Variants in ADAMTSL1 observed in about 807,000 individuals in gnomAD.
ADAMTSL1 encodes the protein ADAMTS-like protein 1.
Under a neutral mutation model 201.8 loss-of-function variants are expected in ADAMTSL1, and 126 were observed. The ratio of observed to expected loss-of-function variants is 0.62; its 90% CI spans 0.54 to 0.72. ADAMTSL1 has a LOEUF of 0.72. ADAMTSL1 is among the 30% of genes least tolerant of loss of function. ADAMTSL1 has a pLI of 0.00. For synonymous variants in ADAMTSL1, 1,121 were observed against 903.4 expected (o/e 1.24, Z -4.32); for missense variants, 2,679 against 2,277.8 (o/e 1.18, Z -3.59).
At chr9:18,242,005 A>C (rs754964647) in intron 2 of ADAMTSL1, among the ~76,000 whole-genome samples, 1 of 152,098 alleles carries the variant, frequency 6.6e-6, no homozygotes, top group Non-Finnish European at 1.5e-5. Flanking sequence ...TTCCTAACAC[A>C]TCTTATAAGG....
chr9:18,591,869 GC>G (rs1349264436), intron 4 of ADAMTSL1, among the ~76,000 whole-genome samples: 1 of 152,158 alleles, frequency 6.6e-6, no homozygotes, highest in Admixed American at 6.5e-5. Flanking sequence ...CATTTTCCCT[GC>G]AAAAAGTTAT....
chr9:17,919,836 C>A (rs1380078470), intron 1 of ADAMTSL1, among the ~76,000 whole-genome samples: 1 of 151,924 alleles, frequency 6.6e-6, no homozygotes, highest in African/African-American at 2.4e-5. Flanking sequence ...GGGTATATAC[C>A]TAGGAGTGTA....
chr9:18,466,505 A>G (rs1821011410), intron 2 of ADAMTSL1, among the ~76,000 whole-genome samples: 1 of 152,230 alleles, frequency 6.6e-6, no homozygotes, highest in Admixed American at 6.5e-5. Context: ...AATTTTAAAA[A>G]TAAACCACAA....
Position 18,849,257 on chromosome 9 carries a change from T to C in ADAMTSL1, c.4249+19280T>C, listed in dbSNP as rs116420751. Reference sequence around the variant, plus strand: ...CTCTTGAATTGTTTTCATCTCTCATTTCTATTCTAATTGTAGCTTTATCAT... The same window carrying C: ...CTCTTGAATTGTTTTCATCTCTCATCTCTATTCTAATTGTAGCTTTATCAT... On this transcript the variant is annotated intron_variant, in intron 23 of 28. Transcript: ENST00000380548. Among the ~76,000 whole-genome samples the C allele has an allele frequency of 3.2e-3, 494 of 152,278 alleles. 2 individuals are homozygous for C. Among genetic ancestry groups the C allele is most frequent in the African/African-American group, 0.012 (484 of 41,544 alleles).
At chr9:18,780,488 T>C (rs889548443) in intron 19 of ADAMTSL1, among the ~76,000 whole-genome samples, 1 of 152,120 alleles carries the variant, frequency 6.6e-6, no homozygotes, top group Non-Finnish European at 1.5e-5. Flanking sequence ...TATGTACTGC[T>C]GGATTTTATG....
intron 17 of ADAMTSL1, among the ~76,000 whole-genome samples, chr9:18,775,327 A>T (rs115027641): frequency 2.6e-5 from 4 of 152,248 alleles, no homozygotes; most frequent in African/African-American, 9.6e-5. Context: ...AAAAGGAATT[A>T]GCAATAATTG....
chr9:18,300,693 G>A (rs1447308066), intron 2 of ADAMTSL1, among the ~76,000 whole-genome samples: 1 of 152,032 alleles, frequency 6.6e-6, no homozygotes, highest in Non-Finnish European at 1.5e-5. Context: ...AGTGAAAAAC[G>A]ACATGAGATC....
At chr9:18,251,511 ATT>A (rs896830881) in intron 2 of ADAMTSL1, among the ~76,000 whole-genome samples, 2 of 152,232 alleles carry the variant, frequency 1.3e-5, no homozygotes, top group African/African-American at 4.8e-5. Flanking sequence ...ATATGACAGT[ATT>A]ATAAATGCTT....
At chr9:18,358,325 G>C (rs150119557) in intron 2 of ADAMTSL1, among the ~76,000 whole-genome samples, 8 of 152,222 alleles carry the variant, frequency 5.3e-5, no homozygotes, top group African/African-American at 1.9e-4. Flanking sequence ...CCTTCCTTTT[G>C]TGGGAAAAGT....
At chr9:18,310,559 T>C (rs1834109034) in intron 2 of ADAMTSL1, among the ~76,000 whole-genome samples, 1 of 151,960 alleles carries the variant, frequency 6.6e-6, no homozygotes, top group Non-Finnish European at 1.5e-5. Flanking sequence ...GAACAGACAC[T>C]TCTCAAAAGA....
chr9:18,076,963 G>C (rs1349717599), intron 1 of ADAMTSL1, among the ~76,000 whole-genome samples: 2 of 152,142 alleles, frequency 1.3e-5, no homozygotes, highest in African/African-American at 4.8e-5. Context: ...ATTACACGCT[G>C]TTAGATGGCT....
intron 2 of ADAMTSL1, among the ~76,000 whole-genome samples, chr9:18,531,063 A>G (rs778758528): frequency 1.3e-5 from 2 of 152,224 alleles, no homozygotes; most frequent in Non-Finnish European, 2.9e-5. Context: ...GATATTTTTC[A>G]GCAATAGCAC....
At chr9:18,151,999 C>T (rs945629863) in intron 1 of ADAMTSL1, among the ~76,000 whole-genome samples, 2 of 152,030 alleles carry the variant, frequency 1.3e-5, no homozygotes, top group South Asian at 2.1e-4. Flanking sequence ...GAAAAGAAAT[C>T]CCTGGTATAT....
rs530763565 is a variant in ADAMTSL1 at position 18,783,066 on chromosome 9, T to C, written c.3677+5160T>C. 1.4e-3 allele frequency among the ~76,000 whole-genome samples: 208 copies of C among 152,340 alleles called. 2 individuals are homozygous for C. Among genetic ancestry groups the C allele is most frequent in the African/African-American group, 4.9e-3 (204 of 41,576 alleles). On this transcript the variant is annotated intron_variant, in intron 19 of 28. Transcript: ENST00000380548. ...GATTCACATGGGCTAACTTGTGGCA[T>C]GTGGATTGTAGAGGCACATGATTGG...
chr9:18,814,475 G>T (rs1823710010), intron 20 of ADAMTSL1, among the ~76,000 whole-genome samples: 1 of 152,236 alleles, frequency 6.6e-6, no homozygotes, highest in African/African-American at 2.4e-5. Flanking sequence ...TATCTGGCAA[G>T]GGATTAATAT....
At chr9:18,569,308 C>T (rs1822146409) in intron 3 of ADAMTSL1, among the ~76,000 whole-genome samples, 1 of 152,080 alleles carries the variant, frequency 6.6e-6, no homozygotes, top group African/African-American at 2.4e-5. Context: ...TATTTTTGTG[C>T]TTTTAAAGAG....
intron 3 of ADAMTSL1, among the ~76,000 whole-genome samples, chr9:18,568,199 A>T (rs546481114): frequency 1.3e-5 from 2 of 150,546 alleles, no homozygotes; most frequent in South Asian, 2.1e-4. Flanking sequence ...TGAAACACTG[A>T]TTTTTTTTTT....
chr9:18,616,943 A>G (rs1402877136), intron 4 of ADAMTSL1, among the ~76,000 whole-genome samples: 1 of 152,234 alleles, frequency 6.6e-6, no homozygotes, highest in African/African-American at 2.4e-5. Flanking sequence ...TAAATAAAGG[A>G]TAATCCATGT....
At chr9:18,701,943 G>A (rs1417568978) in intron 13 of ADAMTSL1, among the ~76,000 whole-genome samples, 1 of 152,118 alleles carries the variant, frequency 6.6e-6, no homozygotes, top group Non-Finnish European at 1.5e-5. Context: ...TCTGAGACTG[G>A]GCAATTTACA....
Sources: gnomAD v4.1 joint callset for allele counts (sites outside exome capture counted in the v4.1 genomes callset) on GRCh38, gnomAD v4.1.1 for gene constraint, MANE v1.5 for transcripts, NCBI Gene and HGNC (gene_info 2026-07-23, HGNC 2026-07-21) for gene names.